Variants in TFRC observed in about 807,000 individuals in gnomAD.
TFRC encodes the protein transferrin receptor protein 1.
Under a neutral mutation model 85.8 loss-of-function variants are expected in TFRC, and 35 were observed. The observed-to-expected ratio is 0.41, with a 90% confidence interval of 0.31 to 0.54. The LOEUF is 0.54. Among genes scored for constraint, TFRC ranks in the 20% least tolerant of loss-of-function variants. The pLI, the probability that TFRC is intolerant of heterozygous loss-of-function variation, is 0.31. For synonymous variants in TFRC, 362 were observed against 328.6 expected, an observed-to-expected ratio of 1.10 and a Z score of -1.10; for missense variants, 828 against 921.5, an observed-to-expected ratio of 0.90 and a Z score of 1.31.
chr3:196,077,613 G>A (rs1054072363), intron 1 of TFRC, among the ~76,000 whole-genome samples: 4 of 152,062 alleles, frequency 2.6e-5, no homozygotes, highest in Admixed American at 6.6e-5. Context: ...TTAGCCGGAC[G>A]TGGTGGTGGG....
intron 6 of TFRC, 82 bp downstream of exon 6, chr3:196,071,314 T>C: frequency 7.4e-7 from 1 of 1,356,062 alleles, no homozygotes; most frequent in African/African-American, 1.4e-5. Context: ...TACAGGTAAA[T>C]TTATAACTCC....
At chr3:196,058,256 C>T in intron 16 of TFRC, 28 bp downstream of exon 16, 1 of 1,583,692 alleles carries the variant, frequency 6.3e-7, no homozygotes, top group Non-Finnish European at 8.7e-7. Context: ...AGCCTCTCTC[C>T]ATTTGTCATT....
At position 196,068,158 on chromosome 3, in the gene TFRC, A is replaced by G. The variant is rs773960794; in HGVS notation, c.802-28T>C. ...AAAAGAAAACATATAAAGCTCAGAA[A>G]ATGAAGATCTGATCATACGAAATGA... is the stretch of plus-strand genomic sequence containing the variant. On this transcript the variant is annotated intron_variant, in intron 7 of 18. Transcript: ENST00000360110. The G allele has an allele frequency of 2.1e-5, 32 of 1,547,276 alleles. 1 individual carries two copies. Among genetic ancestry groups the G allele is most frequent in the Middle Eastern group, 3.4e-4 (2 of 5,922 alleles).
At position 196,074,500 on chromosome 3, in the gene TFRC, A is replaced by G. The variant is rs184266807; in HGVS notation, c.239-375T>C. 4 of 164,796 alleles carry G rather than the reference A, an allele frequency of 2.4e-5. No homozygotes were observed. In the Admixed American group the frequency reaches 2.5e-4, roughly 10 times the overall value. 10.2% of individuals were successfully genotyped at this position (164,796 alleles called of 1,614,324 possible). A position where few individuals can be genotyped will look rare whatever the true frequency, so the allele number is the denominator to read the frequency against. On this transcript the variant is annotated intron_variant, in intron 3 of 18. Transcript: ENST00000360110. ...GAAAACACTTGCACGTCGTATTGAAATAATTCATGGGTCTCTCTTTCCAAC... is the reference window on the plus strand; with the variant it reads ...GAAAACACTTGCACGTCGTATTGAAGTAATTCATGGGTCTCTCTTTCCAAC...
intron 14 of TFRC, among the ~76,000 whole-genome samples, chr3:196,059,542 C>T (rs1403899538): frequency 1.3e-5 from 2 of 152,136 alleles, no homozygotes; most frequent in Non-Finnish European, 2.9e-5. Flanking sequence ...TGACCTGTTT[C>T]TAACTTTACT....
intron 16 of TFRC, among the ~76,000 whole-genome samples, chr3:196,057,340 G>A (rs1011811822): frequency 1.1e-4 from 16 of 151,958 alleles, no homozygotes; most frequent in South Asian, 4.2e-4. Context: ...CCCCAGTCAC[G>A]TACCCCCTGC....
At chr3:196,052,938 C>T (rs1716457058) in intron 18 of TFRC, among the ~76,000 whole-genome samples, 1 of 151,820 alleles carries the variant, frequency 6.6e-6, no homozygotes, top group Admixed American at 6.6e-5. Flanking sequence ...CATGGTGAAA[C>T]TCCGTTTCTA....
Position 196,075,370 on chromosome 3 carries a change from GGAAAAA to G in TFRC, c.37-16_37-11del. 6.2e-7 allele frequency: 1 copy of G among 1,613,808 alleles called. No individual in the cohort carries two copies. The highest frequency in any genetic ancestry group is 8.5e-7 in the Non-Finnish European group (1 of 1,179,834). ...ATGGTTCTCCACCAAACTGTGTTGCGGAAAAAGGCATGATGAAGAACAGGCACGGGA... is the reference window on the plus strand; with the variant it reads ...ATGGTTCTCCACCAAACTGTGTTGCGGGCATGATGAAGAACAGGCACGGGA... On this transcript the variant is annotated splice_polypyrimidine_tract_variant and intron_variant, in intron 2 of 18. Transcript: ENST00000360110.
chr3:196,052,791 C>G (rs138094421), intron 18 of TFRC, among the ~76,000 whole-genome samples: 134 of 152,044 alleles, frequency 8.8e-4, no homozygotes, highest in African/African-American at 3.0e-3. Flanking sequence ...TGCTGAGAAC[C>G]AGGCTAATGC....
At position 196,049,794 on chromosome 3, in the gene TFRC, A is replaced by G. The variant is rs1577208530; in HGVS notation, c.*2148T>C. On this transcript the variant is annotated 3_prime_UTR_variant, in exon 19 of 19. Coordinates refer to ENST00000360110, the MANE Select transcript of TFRC (RefSeq NM_001128148.3). ...CTACGCTAAATGTCAGTCCAAGATA[A>G]AAGAGGAGATTAAAGATAAAACTGA... 1 of 230,282 alleles carries G rather than the reference A, an allele frequency of 4.3e-6. No individual in the cohort carries two copies. Among genetic ancestry groups the G allele is most frequent in the African/African-American group, 2.2e-5 (1 of 45,286 alleles). 14.3% of individuals were successfully genotyped at this position (230,282 alleles called of 1,614,324 possible). A position where few individuals can be genotyped will look rare whatever the true frequency, so the allele number is the denominator to read the frequency against.
intron 1 of TFRC, among the ~76,000 whole-genome samples, chr3:196,079,245 A>G (rs1310297760): frequency 6.6e-6 from 1 of 152,200 alleles, no homozygotes; most frequent in Non-Finnish European, 1.5e-5. Flanking sequence ...AGGAAAAAAC[A>G]TCTTGCAAGT....
Position 196,075,251 on chromosome 3 carries a change from T to A in TFRC, c.146A>T (p.Asp49Val). 6.2e-7 allele frequency: 1 copy of A among 1,614,132 alleles called. No individual in the cohort carries two copies. Among genetic ancestry groups the A allele is most frequent in the Non-Finnish European group, 8.5e-7 (1 of 1,180,034 alleles). The change falls in exon 3 of 19, where the codon GAC becomes GTC. Residue 49 changes from aspartate (D) to valine (V), a missense_variant. By Grantham distance (152) the Asp-to-Val change is radical. Coordinates refer to ENST00000360110, the MANE Select transcript of TFRC (RefSeq NM_001128148.3). The part of the protein sequence containing the change: ...KLAVDEEENA[D>V]NNTKANVTKP... ...TGTGACATTGGCCTTTGTGTTATTG[T>A]CAGCATTTTCTTCTTCATCTACAGC...
chr3:196,060,213 C>T lies in TFRC; in HGVS notation c.1503G>A (p.Leu501=), dbSNP rs114157544. 1,486 of 1,614,048 alleles carry T rather than the reference C, an allele frequency of 9.2e-4. 17 individuals are homozygous for T. In the African/African-American group the frequency reaches 0.018, roughly 19 times the overall value. Reference sequence around the variant, plus strand: ...TTGTTTTCTCAATAAGCGTATACAACAGTGGGCTGGCAGAAACCTTGAAGT... The same window carrying T: ...TTGTTTTCTCAATAAGCGTATACAATAGTGGGCTGGCAGAAACCTTGAAGT... The part of the protein sequence containing the change: ...TSNFKVSASP[L]LYTLIEKTMQ... The change falls in exon 14 of 19, where the codon CTG becomes CTA. Residue 501 remains leucine, a synonymous_variant. Coordinates refer to ENST00000360110, the MANE Select transcript of TFRC (RefSeq NM_001128148.3).
At chr3:196,071,929 A>C in intron 5 of TFRC, 74 bp downstream of exon 5, 1 of 1,528,028 alleles carries the variant, frequency 6.5e-7, no homozygotes, top group Non-Finnish European at 8.8e-7. Flanking sequence ...ACACTAACAA[A>C]AAGTCTTTGC....
At chr3:196,081,621 C>G (rs1249749091) in intron 1 of TFRC, among the ~76,000 whole-genome samples, 3 of 152,314 alleles carry the variant, frequency 2.0e-5, no homozygotes, top group Non-Finnish European at 2.9e-5. Flanking sequence ...ACCCGCAGCC[C>G]GGAGCCGGCG....
At position 196,055,139 on chromosome 3, in the gene TFRC, A is replaced by C; in HGVS notation, c.1840T>G (p.Tyr614Asp). The change falls in exon 17 of 19, where the codon TAC (tyrosine) becomes GAC (aspartate). Residue 614 changes from tyrosine to aspartate, a missense_variant. Transcript: ENST00000360110. ...ACAAATGAAAGCAGTTGGCTGTTGT[A>C]CCTCTCATAGTCCAGGTTCAATTCA... ...DVELNLDYER[Y>D]NSQLLSFVRD... is the part of the protein sequence containing the mutation. 6.2e-7 allele frequency: 1 copy of C among 1,614,192 alleles called. No individual in the cohort carries two copies. Among genetic ancestry groups the C allele is most frequent in the Non-Finnish European group, 8.5e-7 (1 of 1,180,042 alleles).
At chr3:196,072,684 A>G (rs1718309397) in intron 4 of TFRC, 1 of 152,234 alleles carries the variant, frequency 6.6e-6, no homozygotes, top group African/African-American at 2.4e-5. Context: ...CAACTAGATG[A>G]AGTAGAAAAT....
At chr3:196,075,063 A>AT (rs1161633120) in intron 3 of TFRC, 96 bp downstream of exon 3, 2 of 694,904 alleles carry the variant, frequency 2.9e-6, no homozygotes, top group East Asian at 2.6e-5. Flanking sequence ...AAAAAAAAAA[A>AT]AAATAAGGTA....
At chr3:196,081,314 C>T (rs1286083912) in intron 1 of TFRC, among the ~76,000 whole-genome samples, 1 of 152,246 alleles carries the variant, frequency 6.6e-6, no homozygotes, top group Non-Finnish European at 1.5e-5. Context: ...AGAATCCACA[C>T]ACAAGGCGAA....
Sources: allele counts gnomAD v4.1 joint callset (sites outside exome capture counted in the v4.1 genomes callset), GRCh38; gene constraint gnomAD v4.1.1; transcripts MANE v1.5; gene names NCBI Gene and HGNC (gene_info 2026-07-23, HGNC 2026-07-21).